TMEM41B: variants seen among roughly 807,000 people sequenced by gnomAD.
TMEM41B encodes protein stasimon.
TMEM41B carries 18 observed loss-of-function variants against 31.9 expected under a neutral mutation model. The ratio of observed to expected loss-of-function variants is 0.56; its 90% CI spans 0.39 to 0.84. The LOEUF (loss-of-function observed/expected upper bound fraction) is 0.84, where lower values mean the gene tolerates loss of function less well. Ranked by LOEUF, TMEM41B falls within the 40% of genes least tolerant of loss-of-function variation. The pLI is 0.00. For missense variants in TMEM41B, 322 were observed against 348.0 expected (o/e 0.93, Z 0.59); for synonymous variants, 144 against 124.3 (o/e 1.16, Z -1.05).
chr11:9,295,030 AAGC>A, intron 3 of TMEM41B: 1 of 553,368 alleles, frequency 1.8e-6, no homozygotes, highest in East Asian at 5.5e-5. Context: ...TAAGTGAAAA[AAGC>A]AGAATACAAA....
intron 2 of TMEM41B, among the ~76,000 whole-genome samples, chr11:9,296,937 G>A (rs922747455): frequency 2.0e-5 from 3 of 151,162 alleles, no homozygotes; most frequent in African/African-American, 7.3e-5. Context: ...TTGTTCTATA[G>A]GCAGGCTCCC....
At chr11:9,283,704 G>T in intron 6 of TMEM41B, 111 bp from the exon 7 acceptor site, 2 of 918,764 alleles carry the variant, frequency 2.2e-6, no homozygotes. Context: ...TTTCCATTTT[G>T]GAAAAAAAAT....
chr11:9,308,912 C>T (rs904895903), intron 1 of TMEM41B, among the ~76,000 whole-genome samples: 2 of 152,170 alleles, frequency 1.3e-5, no homozygotes, highest in South Asian at 2.1e-4. Context: ...GGGAACCAAA[C>T]TTAAGGTTAA....
In TMEM41B at chr11:9,302,364, T is replaced by C. The variant is rs1022092649; in HGVS notation, c.122-2663A>G. Among the ~76,000 whole-genome samples, 6 of 100,536 alleles carry C rather than the reference T, an allele frequency of 6.0e-5. 3 individuals carry two copies. In the East Asian group the frequency reaches 1.9e-3, roughly 33 times the overall value. The allele number at this position is 100,536 out of a possible 152,430, so 66.0% of individuals were successfully genotyped here. A position where few individuals can be genotyped will look rare whatever the true frequency, so the allele number is the denominator to read the frequency against. On this transcript the variant is annotated intron_variant, in intron 1 of 6. Transcript: ENST00000528080. ...TTTTCCTAGTTTAAACTGATGTCTA[T>C]TCCTTTCAACCAAAAAGTCTTGACT...
At chr11:9,287,919 T>C in intron 4 of TMEM41B, 113 bp from the exon 5 acceptor site, 1 of 770,418 alleles carries the variant, frequency 1.3e-6, no homozygotes. Flanking sequence ...GTGGGGAGGG[T>C]ACTCTGCATG....
intron 1 of TMEM41B, among the ~76,000 whole-genome samples, chr11:9,301,162 G>A (rs1265191973): frequency 2.0e-5 from 3 of 152,066 alleles, no homozygotes; most frequent in Non-Finnish European, 4.4e-5. Context: ...TTGGGAGGCC[G>A]AGGTGGGCGG....
chr11:9,312,396 G>A (rs535236659), intron 1 of TMEM41B, among the ~76,000 whole-genome samples: 1 of 152,294 alleles, frequency 6.6e-6, no homozygotes, highest in African/African-American at 2.4e-5. Context: ...GCTATTTGAG[G>A]GGGCTGAGGT....
intron 2 of TMEM41B, among the ~76,000 whole-genome samples, chr11:9,299,321 T>TACAC (rs1303303364): frequency 0.014 from 148 of 10,518 alleles, 2 homozygotes; most frequent in African/African-American, 0.021. Flanking sequence ...TATATATACA[T>TACAC]ACATACACAC....
Position 9,286,506 on chromosome 11 carries a change from A to G in TMEM41B, c.655T>C (p.Ser219Pro), listed in dbSNP as rs747571323. 1 of 1,612,446 alleles carries G rather than the reference A, an allele frequency of 6.2e-7. No homozygotes were observed. Among genetic ancestry groups the G allele is most frequent in the South Asian group, 1.1e-5 (1 of 90,636 alleles). ...FLPNWFINIT[S>P]PVINVPLKVF... ...TTCAATGGCACGTTTATCACAGGAG[A>G]TGTGATATTAATAAACCAATTAGGC... The change falls in exon 6 of 7, where the codon TCT becomes CCT. Residue 219 changes from serine to proline, a missense_variant. Transcript: ENST00000528080.
intron 3 of TMEM41B, among the ~76,000 whole-genome samples, chr11:9,290,474 A>C (rs1011634585): frequency 3.3e-5 from 5 of 152,190 alleles, no homozygotes; most frequent in African/African-American, 1.2e-4. Context: ...GGGTACAGCA[A>C]ACCAACGTGG....
At chr11:9,308,284 A>G (rs1783951737) in intron 1 of TMEM41B, among the ~76,000 whole-genome samples, 1 of 152,178 alleles carries the variant, frequency 6.6e-6, no homozygotes, top group Non-Finnish European at 1.5e-5. Context: ...TGGGGGTTGC[A>G]GTGAGCTGAG....
intron 6 of TMEM41B, among the ~76,000 whole-genome samples, chr11:9,286,089 TG>T (rs1852831301): frequency 6.6e-6 from 1 of 152,118 alleles, no homozygotes; most frequent in African/African-American, 2.4e-5. Flanking sequence ...TACTCCAGCC[TG>T]GGCGACAGAT....
At position 9,281,161 on chromosome 11, in the gene TMEM41B, A is replaced by G. The variant is rs1474646504; in HGVS notation, c.*2263T>C. ...CGCTGGAGTAAATAGTGAAGCTTCT[A>G]CTGAGTTCTACTGAGTCTAAGCTCT... On this transcript the variant is annotated 3_prime_UTR_variant, in exon 7 of 7. Transcript: ENST00000528080. The G allele has an allele frequency of 2.0e-5, 3 of 152,204 alleles. No homozygotes were observed. The highest frequency in any genetic ancestry group is 7.2e-5 in the African/African-American group (3 of 41,456). The allele number at this position is 152,204 out of a possible 1,614,324, so 9.4% of individuals were successfully genotyped here. A position where few individuals can be genotyped will look rare whatever the true frequency, so the allele number is the denominator to read the frequency against.
intron 1 of TMEM41B, among the ~76,000 whole-genome samples, chr11:9,303,191 G>C (rs1853298199): frequency 6.6e-6 from 1 of 151,878 alleles, no homozygotes; most frequent in Non-Finnish European, 1.5e-5. Flanking sequence ...AATTTTTTTT[G>C]TATTTTTAGT....
rs1334712875 is a variant in TMEM41B, at chr11:9,312,941, G to T, written c.121+1380C>A. Among the ~76,000 whole-genome samples, 3 of 133,026 alleles carry T rather than the reference G, an allele frequency of 2.3e-5. No individual in the cohort carries two copies. The East Asian group carries it at 7.5e-4, about 33-fold the overall frequency. 87.3% of individuals were successfully genotyped at this position (133,026 alleles called of 152,430 possible). On this transcript the variant is annotated intron_variant, in intron 1 of 6. Transcript: ENST00000528080. ...AAAAAAAAGAATAATTGTGTTGAATGTTTTGTTGTAATGATAAAATAAGAT... is the reference window on the plus strand; with the variant it reads ...AAAAAAAAGAATAATTGTGTTGAATTTTTTGTTGTAATGATAAAATAAGAT...
At chr11:9,299,915 T>C (rs1853205731) in intron 1 of TMEM41B, among the ~76,000 whole-genome samples, 1 of 151,880 alleles carries the variant, frequency 6.6e-6, no homozygotes, top group Non-Finnish European at 1.5e-5. Context: ...AGGTTGGGAG[T>C]TCGAGACCAA....
intron 1 of TMEM41B, among the ~76,000 whole-genome samples, chr11:9,300,705 C>T (rs910385693): frequency 4.0e-5 from 6 of 151,714 alleles, no homozygotes; most frequent in East Asian, 1.9e-4. Context: ...GGTGAAACCC[C>T]GTCTCTACTA....
At chr11:9,299,741 G>A in intron 1 of TMEM41B, 40 bp from the exon 2 acceptor site, 2 of 1,356,494 alleles carry the variant, frequency 1.5e-6, no homozygotes, top group Non-Finnish European at 2.1e-6. Flanking sequence ...TAAATATAAA[G>A]GAAGACATGC....
intron 6 of TMEM41B, among the ~76,000 whole-genome samples, chr11:9,285,088 C>CTTTTTTTT (rs11405419): frequency 7.6e-6 from 1 of 131,204 alleles, no homozygotes; most frequent in Non-Finnish European, 1.6e-5. Flanking sequence ...TTCCTTCTTT[C>CTTTTTTTT]TTTTTTTTTT....
Sources: gnomAD v4.1 joint callset for allele counts (sites outside exome capture counted in the v4.1 genomes callset) on GRCh38, gnomAD v4.1.1 for gene constraint, MANE v1.5 for transcripts, NCBI Gene and HGNC (gene_info 2026-07-23, HGNC 2026-07-21) for gene names.